The following CD160 variants were observed in gnomAD, a reference collection of about 807,000 sequenced individuals.
CD160 encodes the protein CD160 antigen.
In CD160, 11 loss-of-function variants were observed where a neutral mutation model predicts 19.2. The ratio of observed to expected loss-of-function variants is 0.57; its 90% CI spans 0.36 to 0.95. The LOEUF (loss-of-function observed/expected upper bound fraction) is 0.95, where lower values mean the gene tolerates loss of function less well. CD160 is among the 40% of genes least tolerant of loss of function. CD160 has a pLI of 0.01. For synonymous variants in CD160, 75 were observed against 81.1 expected (o/e 0.93, Z 0.40); for missense variants, 182 against 213.2 (o/e 0.85, Z 0.91).
At chr1:145,736,548 A>AT in intron 5 of CD160, 1 of 263,902 alleles carries the variant, frequency 3.8e-6, no homozygotes, top group East Asian at 8.9e-5. Flanking sequence ...TGATGGCCAG[A>AT]TTGAGTATAT....
Position 145,738,997 on chromosome 1 carries a change from CAG to C in CD160, c.*506_*507del, listed in dbSNP as rs1163717544. The C allele has an allele frequency of 6.5e-6, 1 of 154,036 alleles. No homozygotes were observed. The highest frequency in any genetic ancestry group is 6.5e-5 in the Admixed American group (1 of 15,292). 9.5% of individuals were successfully genotyped at this position (154,036 alleles called of 1,614,324 possible). The stretch of plus-strand genomic sequence containing the variant: ...TGGCATGAAAATGAGAAAATGCAGA[CAG>C]ACCTCAACATTCAACAACATCCATA... On this transcript the variant is annotated 3_prime_UTR_variant, in exon 6 of 6. Transcript: ENST00000369288.
intron 1 of CD160, among the ~76,000 whole-genome samples, chr1:145,722,248 T>G (rs1656879590): frequency 6.6e-6 from 1 of 152,204 alleles, no homozygotes; most frequent in African/African-American, 2.4e-5. Context: ...CTGTGCTAAG[T>G]AATTTACATA....
chr1:145,728,339 A>T lies in CD160; in HGVS notation c.12A>T (p.Glu4Asp). 1 of 1,612,704 alleles carries T rather than the reference A, an allele frequency of 6.2e-7. No homozygotes were observed. The highest frequency in any genetic ancestry group is 8.5e-7 in the Non-Finnish European group (1 of 1,179,542). MLL[E>D]PGRGCCALAI... ...TGACAGCGTGCAGGATGCTGTTGGA[A>T]CCCGGCAGAGGCTGCTGTGCCCTGG... The change falls in exon 3 of 6, where the codon GAA (glutamate) becomes GAT (aspartate). Residue 4 changes from glutamate to aspartate, a missense_variant. Physicochemically the swap from Glu to Asp is conservative, Grantham distance 45 (BLOSUM62 2). Transcript: ENST00000369288.
intron 5 of CD160, chr1:145,737,869 AAG>A (rs1657556718): frequency 1.3e-5 from 2 of 152,114 alleles, no homozygotes; most frequent in Non-Finnish European, 2.9e-5. Context: ...AGTAGCTTTA[AAG>A]TTAACCAAAG....
At chr1:145,721,757 G>GT (rs1397586371) in intron 1 of CD160, among the ~76,000 whole-genome samples, 34 of 152,152 alleles carry the variant, frequency 2.2e-4, no homozygotes, top group African/African-American at 7.5e-4. Flanking sequence ...TTCACCCACC[G>GT]TATTCTTTAG....
chr1:145,725,145 C>T (rs775495381), intron 2 of CD160, among the ~76,000 whole-genome samples: 3 of 151,388 alleles, frequency 2.0e-5, no homozygotes, highest in East Asian at 3.9e-4. Context: ...CTAGGCCGGG[C>T]GTGGTGGTTC....
At chr1:145,725,498 T>C (rs1388495759) in intron 2 of CD160, among the ~76,000 whole-genome samples, 1 of 152,158 alleles carries the variant, frequency 6.6e-6, no homozygotes, top group Admixed American at 6.5e-5. Flanking sequence ...TGTTTGTTTG[T>C]CTGGGACTGC....
intron 4 of CD160, among the ~76,000 whole-genome samples, chr1:145,734,053 T>G (rs1657394487): frequency 6.6e-6 from 1 of 152,172 alleles, no homozygotes; most frequent in Admixed American, 6.5e-5. Context: ...GGTTCCTCCT[T>G]TTTTCTTAAC....
At chr1:145,732,451 A>T (rs1394108828) in intron 4 of CD160, among the ~76,000 whole-genome samples, 1 of 152,080 alleles carries the variant, frequency 6.6e-6, no homozygotes, top group African/African-American at 2.4e-5. Context: ...AGGTGGGAGG[A>T]TCACTTGAGC....
At chr1:145,730,310 A>C (rs1457349594) in intron 3 of CD160, among the ~76,000 whole-genome samples, 2 of 152,126 alleles carry the variant, frequency 1.3e-5, no homozygotes, top group Non-Finnish European at 2.9e-5. Flanking sequence ...ACACAGCAAG[A>C]CCTTGTTTTA....
intron 5 of CD160, chr1:145,736,507 G>A: frequency 3.0e-6 from 1 of 336,766 alleles, no homozygotes; most frequent in Non-Finnish European, 5.8e-6. Flanking sequence ...TTGGAGATGG[G>A]TTTTGAACAA....
Position 145,738,490 on chromosome 1 carries a change from G to GT in CD160, c.544dup (p.Ter182LeufsTer16), listed in dbSNP as rs782695341. On this transcript the variant is annotated frameshift_variant, in exon 6 of 6. Coordinates refer to ENST00000369288, the MANE Select transcript of CD160 (RefSeq NM_007053.4). LOFTEE classifies it high-confidence loss of function. ...ATACAAACTTTCTTTCCACAGCTTT[G>GT]TAAGCCTTGTGCCAAAAGAAACTTT... is the stretch of plus-strand genomic sequence containing the variant. 1.5e-6 allele frequency: 2 copies of GT among 1,323,900 alleles called. No homozygotes were observed. The highest frequency in any genetic ancestry group is 9.7e-7 in the Non-Finnish European group (1 of 1,025,994). 82.0% of individuals were successfully genotyped at this position (1,323,900 alleles called of 1,614,324 possible).
intron 4 of CD160, among the ~76,000 whole-genome samples, chr1:145,733,373 A>C (rs1657369884): frequency 6.6e-6 from 1 of 152,100 alleles, no homozygotes; most frequent in Non-Finnish European, 1.5e-5. Flanking sequence ...TCCTGACCTC[A>C]GGTGATCTAT....
At chr1:145,734,034 G>C (rs1441637307) in intron 4 of CD160, among the ~76,000 whole-genome samples, 2 of 152,146 alleles carry the variant, frequency 1.3e-5, no homozygotes, top group Non-Finnish European at 2.9e-5. Context: ...TCATGACGGA[G>C]TCAACTTTGG....
At chr1:145,731,173 C>T in intron 4 of CD160, 103 bp downstream of exon 4, 1 of 858,004 alleles carries the variant, frequency 1.2e-6, no homozygotes, top group African/African-American at 1.7e-5. Context: ...CAGTTTCCTT[C>T]TTCCTCAATC....
intron 1 of CD160, among the ~76,000 whole-genome samples, chr1:145,721,109 C>G (rs1553707745): frequency 6.6e-6 from 1 of 152,140 alleles, no homozygotes; most frequent in Non-Finnish European, 1.5e-5. Context: ...AGACTTCTCA[C>G]GACCACCCGC....
chr1:145,731,070 G>A lies in CD160; in HGVS notation c.400G>A (p.Glu134Lys). Residue 134 changes from glutamate (E) to lysine (K), a missense_variant and splice_region_variant, in exon 4 of 6, where the codon GAG (glutamate) becomes AAG (lysine). Physicochemically the swap from Glu to Lys is moderately conservative, Grantham distance 56. Coordinates refer to ENST00000369288, the MANE Select transcript of CD160 (RefSeq NM_007053.4). ...CCATTTTTTCTCCATTCTATTCACA[G>A]GTGAGTGCTCAAATACTCCTAATGC... ...QGHFFSILFT[E>K]TGNYTVTGLK... The A allele has an allele frequency of 1.9e-6, 3 of 1,611,930 alleles. No individual in the cohort carries two copies. The African/African-American group carries it at 4.0e-5, about 22-fold the overall frequency.
intron 1 of CD160, among the ~76,000 whole-genome samples, chr1:145,721,160 C>T (rs1656828331): frequency 1.3e-5 from 2 of 152,304 alleles, no homozygotes; most frequent in South Asian, 4.1e-4. Context: ...CTAGTACATG[C>T]TGCGTCCCCA....
chr1:145,739,239 A>T lies in CD160; in HGVS notation c.*746A>T, dbSNP rs1553710665. 6.6e-6 allele frequency: 1 copy of T among 152,206 alleles called. No homozygotes were observed. Among genetic ancestry groups the T allele is most frequent in the Non-Finnish European group, 1.5e-5 (1 of 68,036 alleles). The allele number at this position is 152,206 out of a possible 1,614,324, so 9.4% of individuals were successfully genotyped here. On this transcript the variant is annotated 3_prime_UTR_variant, in exon 6 of 6. Coordinates refer to ENST00000369288, the MANE Select transcript of CD160 (RefSeq NM_007053.4). ...GACCTCTTGTCATAGTTAAGCAGAG[A>T]GTGGGCAGGATATTCCTGATAGGAG...
Sources: gnomAD v4.1 joint callset for allele counts (sites outside exome capture counted in the v4.1 genomes callset) on GRCh38, gnomAD v4.1.1 for gene constraint, MANE v1.5 for transcripts, NCBI Gene and HGNC (gene_info 2026-07-23, HGNC 2026-07-21) for gene names.